Variants in DPY19L3 observed in about 807,000 individuals in gnomAD.
DPY19L3 encodes protein C-mannosyl-transferase DPY19L3.
DPY19L3 carries 51 observed loss-of-function variants against 92.3 expected under a neutral mutation model. The ratio of observed to expected loss-of-function variants is 0.55; its 90% CI spans 0.44 to 0.70. DPY19L3 has a LOEUF of 0.70. DPY19L3 is among the 30% of genes least tolerant of loss of function. The pLI is 0.00. For missense variants in DPY19L3, 706 were observed against 855.9 expected (o/e 0.82, Z 2.18); for synonymous variants, 309 against 315.2 (o/e 0.98, Z 0.21).
At chr19:32,436,306 G>A (rs946020287) in intron 4 of DPY19L3, 140 bp from the exon 5 acceptor site, 10 of 435,748 alleles carry the variant, frequency 2.3e-5, no homozygotes, top group East Asian at 1.2e-4. Context: ...GAGGGCAGGA[G>A]TATGTTTTTT....
intron 16 of DPY19L3, 54 bp downstream of exon 16, chr19:32,468,867 A>ATAG (rs1367141020): frequency 1.5e-5 from 23 of 1,529,724 alleles, no homozygotes; most frequent in Non-Finnish European, 2.0e-5. Flanking sequence ...AAGAGTCACT[A>ATAG]TAGACCACAT....
chr19:32,473,680 G>A (rs546839817), intron 16 of DPY19L3, among the ~76,000 whole-genome samples: 2 of 152,244 alleles, frequency 1.3e-5, no homozygotes, highest in Non-Finnish European at 2.9e-5. Flanking sequence ...ATTGGAAGTA[G>A]CAGTGATATT....
At position 32,477,581 on chromosome 19, in the gene DPY19L3, A is replaced by G; in HGVS notation, c.1757A>G (p.Lys586Arg). The G allele has an allele frequency of 6.2e-7, 1 of 1,614,172 alleles. No individual in the cohort carries two copies. The highest frequency in any genetic ancestry group is 8.5e-7 in the Non-Finnish European group (1 of 1,180,038). ...AGCATGCAGTTGCTGGCCGGAGTCAAGCTGTGCACGGGAAGGACCCTAACC... is the reference window on the plus strand; with the variant it reads ...AGCATGCAGTTGCTGGCCGGAGTCAGGCTGTGCACGGGAAGGACCCTAACC... ...AGSMQLLAGV[K>R]LCTGRTLTNH... The change falls in exon 17 of 19, where the codon AAG (lysine) becomes AGG (arginine). Residue 586 changes from lysine to arginine, a missense_variant. Transcript: ENST00000392250.
chr19:32,440,056 C>A, intron 8 of DPY19L3, 146 bp downstream of exon 8: 1 of 1,034,204 alleles, frequency 9.7e-7, no homozygotes, highest in Non-Finnish European at 1.4e-6. Context: ...CCAATTGAAG[C>A]TGAGTAATTT....
At chr19:32,479,837 G>A (rs1970620509) in intron 17 of DPY19L3, among the ~76,000 whole-genome samples, 1 of 152,226 alleles carries the variant, frequency 6.6e-6, no homozygotes, top group African/African-American at 2.4e-5. Context: ...GGACGAGAGG[G>A]AGAGGAGCAG....
chr19:32,434,645 C>T (rs554820569), intron 4 of DPY19L3, among the ~76,000 whole-genome samples: 10 of 152,288 alleles, frequency 6.6e-5, no homozygotes, highest in East Asian at 5.8e-4. Context: ...GGCGACAGAG[C>T]GAGACTCCGT....
intron 17 of DPY19L3, among the ~76,000 whole-genome samples, chr19:32,478,092 G>C (rs1044508286): frequency 6.6e-6 from 1 of 152,188 alleles, no homozygotes; most frequent in Non-Finnish European, 1.5e-5. Flanking sequence ...ACTTCAAGAT[G>C]TGATTTGGGT....
Position 32,484,166 on chromosome 19 carries a change from G to GT in DPY19L3, c.*1927dup, listed in dbSNP as rs908459021. 113 of 152,314 alleles carry GT rather than the reference G, an allele frequency of 7.4e-4. No individual in the cohort carries two copies. The highest frequency in any genetic ancestry group is 2.2e-3 in the African/African-American group (90 of 41,442). 9.4% of individuals were successfully genotyped at this position (152,314 alleles called of 1,614,324 possible). On this transcript the variant is annotated 3_prime_UTR_variant, in exon 19 of 19. Transcript: ENST00000392250. Reference sequence around the variant, plus strand: ...GGTGTCATTGTTGCCAGCACCTTTAGTGCTCAGTCTTCAGTGAAAAATATA... The same window carrying GT: ...GGTGTCATTGTTGCCAGCACCTTTAGTTGCTCAGTCTTCAGTGAAAAATATA...
chr19:32,442,382 G>T (rs898164775), intron 8 of DPY19L3, among the ~76,000 whole-genome samples: 7 of 152,200 alleles, frequency 4.6e-5, no homozygotes, highest in Non-Finnish European at 8.8e-5. Context: ...TGTGGAAACA[G>T]ACGCATTCAT....
At chr19:32,408,773 A>G (rs1277819304) in intron 2 of DPY19L3, among the ~76,000 whole-genome samples, 1 of 150,546 alleles carries the variant, frequency 6.6e-6, no homozygotes, top group Non-Finnish European at 1.5e-5. Context: ...ATAATTAGTC[A>G]AATTCCTGAA....
At chr19:32,473,763 T>C (rs926290319) in intron 16 of DPY19L3, among the ~76,000 whole-genome samples, 1 of 152,260 alleles carries the variant, frequency 6.6e-6, no homozygotes, top group Non-Finnish European at 1.5e-5. Context: ...TCATCCCTAC[T>C]GTCCTCAGAA....
intron 9 of DPY19L3, 124 bp downstream of exon 9, chr19:32,453,400 G>T (rs1011986025): frequency 1.4e-5 from 13 of 929,330 alleles, no homozygotes; most frequent in Middle Eastern, 3.5e-4. Flanking sequence ...AAAAGAGCAC[G>T]TGGCATTGTG....
rs1461935686 is a variant in DPY19L3, at chr19:32,439,198, CATATTTCCTG to C, written c.685_694del (p.Tyr229AspfsTer11). 1 of 1,613,680 alleles carries C rather than the reference CATATTTCCTG, an allele frequency of 6.2e-7. No individual in the cohort carries two copies. Among genetic ancestry groups the C allele is most frequent in the Non-Finnish European group, 8.5e-7 (1 of 1,179,708 alleles). ...TTTGCAATTCAGATAGCAGCAATTACATATTTCCTGAGACCAAACTTACAGCCTCTTTCTG... is the reference window on the plus strand; with the variant it reads ...TTTGCAATTCAGATAGCAGCAATTACAGACCAAACTTACAGCCTCTTTCTG... On this transcript the variant is annotated frameshift_variant, in exon 7 of 19. Transcript: ENST00000392250. LOFTEE classifies it high-confidence loss of function.
At chr19:32,447,920 T>G (rs1216190904) in intron 8 of DPY19L3, among the ~76,000 whole-genome samples, 1 of 152,102 alleles carries the variant, frequency 6.6e-6, no homozygotes, top group Non-Finnish European at 1.5e-5. Flanking sequence ...CTTGGAACAT[T>G]AAAAACTTTT....
intron 3 of DPY19L3, among the ~76,000 whole-genome samples, chr19:32,414,157 A>G (rs943238944): frequency 1.3e-5 from 2 of 152,146 alleles, no homozygotes; most frequent in Admixed American, 6.5e-5. Context: ...GCAGTGGCTC[A>G]CACCTTTAAT....
At chr19:32,478,023 GA>G (rs1439764159) in intron 17 of DPY19L3, among the ~76,000 whole-genome samples, 2 of 152,244 alleles carry the variant, frequency 1.3e-5, no homozygotes, top group East Asian at 3.9e-4. Context: ...AACAGCACGG[GA>G]AAGACTTGCC....
At chr19:32,479,899 C>T (rs1337596440) in intron 17 of DPY19L3, among the ~76,000 whole-genome samples, 2 of 152,206 alleles carry the variant, frequency 1.3e-5, no homozygotes, top group Non-Finnish European at 2.9e-5. Context: ...GCAGCCAATG[C>T]TGCCCCAGCC....
chr19:32,407,264 T>TCCCCCCCCCCCCCCCTCCTCCCCC (rs148363125), intron 1 of DPY19L3, among the ~76,000 whole-genome samples: 1 of 81,318 alleles, frequency 1.2e-5, no homozygotes, highest in Non-Finnish European at 2.5e-5. Context: ...AGGCTCCTGC[T>TCCCCCCCCCCCCCCCTCCTCCCCC]CCCCCCCACC....
rs1461433044 is a variant in DPY19L3, at chr19:32,483,932, G to GC, written c.*1693dup. 2.0e-5 allele frequency: 3 copies of GC among 152,618 alleles called. No homozygotes were observed. The highest frequency in any genetic ancestry group is 2.1e-4 in the South Asian group (1 of 4,812). 9.5% of individuals were successfully genotyped at this position (152,618 alleles called of 1,614,324 possible). A position where few individuals can be genotyped will look rare whatever the true frequency, so the allele number is the denominator to read the frequency against. The stretch of plus-strand genomic sequence containing the variant: ...AGTGCCTTACTCTAATTGAAACCAA[G>GC]CACACGTAAGGTACAATATGTTAGA... On this transcript the variant is annotated 3_prime_UTR_variant, in exon 19 of 19. Coordinates refer to ENST00000392250, the MANE Select transcript of DPY19L3 (RefSeq NM_001172774.2).
Sources: gnomAD v4.1 joint callset for allele counts (sites outside exome capture counted in the v4.1 genomes callset) on GRCh38, gnomAD v4.1.1 for gene constraint, MANE v1.5 for transcripts, NCBI Gene and HGNC (gene_info 2026-07-23, HGNC 2026-07-21) for gene names.